GLRB: variants seen among roughly 807,000 people sequenced by gnomAD.
The protein encoded by GLRB is glycine receptor beta.
In GLRB, 33 loss-of-function variants were observed where a neutral mutation model predicts 54.2. The observed-to-expected ratio is 0.61, with a 90% CI of 0.46 to 0.81. GLRB has a LOEUF of 0.81. GLRB is among the 40% of genes least tolerant of loss of function. GLRB has a pLI of 0.00. For synonymous variants in GLRB, 209 were observed against 208.2 expected (o/e 1.00, Z -0.03); for missense variants, 572 against 584.6 (o/e 0.98, Z 0.22).
chr4:157,107,018 T>G (rs1430830285), intron 2 of GLRB, among the ~76,000 whole-genome samples: 1 of 152,144 alleles, frequency 6.6e-6, no homozygotes, highest in Admixed American at 6.6e-5. Context: ...TTCAATCTTA[T>G]GATTATTATT....
chr4:157,148,860 C>T (rs1736914223), intron 8 of GLRB, among the ~76,000 whole-genome samples: 1 of 151,916 alleles, frequency 6.6e-6, no homozygotes, highest in Non-Finnish European at 1.5e-5. Flanking sequence ...TGGTTAGTAG[C>T]TCTGTTGAAA....
rs2343761 is a variant in GLRB, at chr4:157,076,827, T to C, written c.-30+530T>C. Among the ~76,000 whole-genome samples the C allele has an allele frequency of 7.7e-3, 1,164 of 151,790 alleles. 20 individuals are homozygous for C. In the East Asian group the frequency reaches 0.1, roughly 13 times the overall value. ...GGATGGGGGAAGGGAGCGTCCAATG[T>C]TGTGAAGTTGCCAGAGGAGAACCTT... is the stretch of plus-strand genomic sequence containing the variant. On this transcript the variant is annotated intron_variant, in intron 1 of 9. Coordinates refer to ENST00000264428, the MANE Select transcript of GLRB (RefSeq NM_000824.5).
chr4:157,086,017 A>T (rs927925117), intron 2 of GLRB, among the ~76,000 whole-genome samples: 6 of 152,188 alleles, frequency 3.9e-5, no homozygotes, highest in Admixed American at 3.9e-4. Flanking sequence ...CCCAGGCTGG[A>T]GTTCAGTGGT....
chr4:157,146,254 A>G (rs1736803984), intron 8 of GLRB, among the ~76,000 whole-genome samples: 1 of 151,910 alleles, frequency 6.6e-6, no homozygotes, highest in South Asian at 2.1e-4. Flanking sequence ...TGACCCCGTG[A>G]TCTGCCCGCC....
intron 7 of GLRB, among the ~76,000 whole-genome samples, chr4:157,139,868 G>A (rs369258099): frequency 6.6e-6 from 1 of 151,914 alleles, no homozygotes; most frequent in Admixed American, 6.6e-5. Context: ...GTGTAAAACT[G>A]AGAGAGATCA....
rs982309870 is a variant in GLRB, at chr4:157,144,107, T to TA, written c.904+148_904+149insA. The TA allele has an allele frequency of 5.2e-6, 4 of 774,256 alleles. No homozygotes were observed. In the African/African-American group the frequency reaches 6.9e-5, roughly 13 times the overall value. The allele number at this position is 774,256 out of a possible 1,614,324, so 48.0% of individuals were successfully genotyped here. On this transcript the variant is annotated intron_variant, in intron 8 of 9. Coordinates refer to ENST00000264428, the MANE Select transcript of GLRB (RefSeq NM_000824.5). ...AAAGACTTTCTTCAAAACTTGATAT[T>TA]GAACTAGATTTTCTCAATGTTTATG...
chr4:157,094,903 G>GTAC (rs1218888305), intron 2 of GLRB, among the ~76,000 whole-genome samples: 2 of 152,094 alleles, frequency 1.3e-5, no homozygotes, highest in Admixed American at 1.3e-4. Context: ...AAAAAAATAC[G>GTAC]TACAAGAATG....
intron 9 of GLRB, among the ~76,000 whole-genome samples, chr4:157,167,502 T>TAC (rs1737755232): frequency 6.6e-6 from 1 of 152,174 alleles, no homozygotes; most frequent in Admixed American, 6.5e-5. Context: ...CCTGTGCAAG[T>TAC]ACTGTTGGAG....
At chr4:157,128,753 T>G (rs980203924) in intron 4 of GLRB, among the ~76,000 whole-genome samples, 2 of 151,838 alleles carry the variant, frequency 1.3e-5, no homozygotes, top group African/African-American at 4.8e-5. Context: ...GAAAAATCAC[T>G]ACTATATAAC....
intron 9 of GLRB, among the ~76,000 whole-genome samples, chr4:157,169,100 C>T (rs1737822894): frequency 6.6e-6 from 1 of 151,856 alleles, no homozygotes; most frequent in East Asian, 1.9e-4. Flanking sequence ...GTGTTTTTAA[C>T]CCAGCTATAA....
intron 2 of GLRB, among the ~76,000 whole-genome samples, chr4:157,093,390 A>G (rs1419040736): frequency 6.6e-6 from 1 of 152,210 alleles, no homozygotes; most frequent in East Asian, 1.9e-4. Context: ...GTATGTATGC[A>G]TATGTATTCA....
chr4:157,122,721 A>G, intron 4 of GLRB, among the ~76,000 whole-genome samples: 1 of 151,816 alleles, frequency 6.6e-6, no homozygotes, highest in East Asian at 1.9e-4. Flanking sequence ...GTTTTCTAAT[A>G]TGCTTATATG....
intron 6 of GLRB, 35 bp downstream of exon 6, chr4:157,136,921 A>G (rs1285590880): frequency 7.9e-7 from 1 of 1,272,694 alleles, no homozygotes; most frequent in East Asian, 2.3e-5. Flanking sequence ...TTATGAAAAT[A>G]AAGTGTTTAA....
At chr4:157,104,651 T>C (rs1216827126) in intron 2 of GLRB, among the ~76,000 whole-genome samples, 1 of 152,082 alleles carries the variant, frequency 6.6e-6, no homozygotes, top group Non-Finnish European at 1.5e-5. Flanking sequence ...TCTTTAAATA[T>C]TTGATTGAAT....
chr4:157,076,984 G>T (rs1177953764), intron 1 of GLRB, among the ~76,000 whole-genome samples: 2 of 106,916 alleles, frequency 1.9e-5, no homozygotes, highest in African/African-American at 3.3e-5. Flanking sequence ...GGGGGGGGGG[G>T]GGAAGATGAA....
chr4:157,103,840 A>G (rs1735126160), intron 2 of GLRB, among the ~76,000 whole-genome samples: 3 of 152,060 alleles, frequency 2.0e-5, no homozygotes, highest in Non-Finnish European at 4.4e-5. Context: ...TCCTTTTCAG[A>G]TATTCATTAT....
At chr4:157,156,684 T>C (rs1737239983) in intron 9 of GLRB, among the ~76,000 whole-genome samples, 1 of 152,252 alleles carries the variant, frequency 6.6e-6, no homozygotes, top group South Asian at 2.1e-4. Flanking sequence ...GTGTATTTTT[T>C]TCATTTGTTC....
intron 2 of GLRB, among the ~76,000 whole-genome samples, chr4:157,078,936 C>A (rs889405099): frequency 1.3e-5 from 2 of 152,154 alleles, no homozygotes; most frequent in Non-Finnish European, 2.9e-5. Flanking sequence ...CCACGCCCAG[C>A]TAATTTTTGT....
chr4:157,121,755 C>T (rs1735829790), intron 3 of GLRB, among the ~76,000 whole-genome samples: 1 of 151,582 alleles, frequency 6.6e-6, no homozygotes, highest in African/African-American at 2.4e-5. Context: ...CAACATTATA[C>T]CTTAGTTCTC....
Sources: allele counts gnomAD v4.1 joint callset (sites outside exome capture counted in the v4.1 genomes callset), GRCh38; gene constraint gnomAD v4.1.1; transcripts MANE v1.5; gene names NCBI Gene and HGNC (gene_info 2026-07-23, HGNC 2026-07-21).